RAPGEF1: variants seen among roughly 807,000 people sequenced by gnomAD.
RAPGEF1 encodes the protein CRK SH3-binding GNRP.
RAPGEF1 carries 33 observed loss-of-function variants against 143.3 expected under a neutral mutation model. That is an observed-to-expected ratio of 0.23 (90% confidence interval 0.17 to 0.31). The LOEUF is 0.31. Among genes scored for constraint, RAPGEF1 ranks in the 10% least tolerant of loss-of-function variants. RAPGEF1 has a pLI of 1.00. For missense variants in RAPGEF1, 1,199 were observed against 1,645.4 expected, an observed-to-expected ratio of 0.73 and a Z score of 4.69; for synonymous variants, 629 against 676.5, an observed-to-expected ratio of 0.93 and a Z score of 1.09.
At chr9:131,688,004 C>T (rs916802572) in intron 1 of RAPGEF1, among the ~76,000 whole-genome samples, 4 of 152,028 alleles carry the variant, frequency 2.6e-5, no homozygotes, top group Non-Finnish European at 5.9e-5. Context: ...GGAGGCTTCC[C>T]GGAACCTCTG....
At chr9:131,694,047 T>A (rs1459707011) in intron 1 of RAPGEF1, among the ~76,000 whole-genome samples, 1 of 152,008 alleles carries the variant, frequency 6.6e-6, no homozygotes, top group Non-Finnish European at 1.5e-5. Context: ...ACAAAATCCA[T>A]CTCACCCCCT....
intron 15 of RAPGEF1, 22 bp from the exon 16 acceptor site, chr9:131,598,332 G>A: frequency 6.2e-7 from 1 of 1,602,742 alleles, no homozygotes; most frequent in Middle Eastern, 1.7e-4. Flanking sequence ...AGTGGTTTGT[G>A]TTGCAAGTGT....
intron 15 of RAPGEF1, among the ~76,000 whole-genome samples, chr9:131,600,415 C>T (rs1956074594): frequency 6.6e-6 from 1 of 152,188 alleles, no homozygotes; most frequent in Admixed American, 6.5e-5. Context: ...ACCTAGAAAC[C>T]ACACCATTCC....
chr9:131,589,078 T>C, intron 19 of RAPGEF1, 92 bp from the exon 20 acceptor site: 2 of 1,260,138 alleles, frequency 1.6e-6, no homozygotes, highest in African/African-American at 3.0e-5. Flanking sequence ...GGCACGGGGC[T>C]GTGACCGGCA....
intron 1 of RAPGEF1, among the ~76,000 whole-genome samples, chr9:131,732,440 G>A (rs1226637948): frequency 1.3e-5 from 2 of 152,142 alleles, no homozygotes; most frequent in Non-Finnish European, 2.9e-5. Context: ...ATGCACTCAA[G>A]TGGAAGCTCA....
rs553563987 is a variant in RAPGEF1, at chr9:131,583,270, G to T, written c.3415-568C>A. ...CCTCTCCTGCCTCTTCTCCTGTTAC[G>T]TGCCTCTCCCTGAAGTGCTGCCTCC... is the stretch of plus-strand genomic sequence containing the variant. On this transcript the variant is annotated intron_variant, in intron 24 of 26. Coordinates refer to ENST00000683357, the MANE Select transcript of RAPGEF1 (RefSeq NM_001377935.1). This position sits in a 1 kb window ranked among gnomAD's most constrained non-coding sequence, Gnocchi z 4.7. Among the ~76,000 whole-genome samples, 10 of 152,066 alleles carry T rather than the reference G, an allele frequency of 6.6e-5. No homozygotes were observed. The highest frequency in any genetic ancestry group is 1.5e-4 in the Non-Finnish European group (10 of 68,004).
At chr9:131,661,044 A>G (rs1002873835) in intron 1 of RAPGEF1, among the ~76,000 whole-genome samples, 2 of 152,198 alleles carry the variant, frequency 1.3e-5, no homozygotes, top group East Asian at 3.8e-4. Flanking sequence ...AACAGGGAAC[A>G]CTATCGGTGT....
At chr9:131,622,797 C>T (rs1028667730) in intron 10 of RAPGEF1, among the ~76,000 whole-genome samples, 19 of 148,616 alleles carry the variant, frequency 1.3e-4, no homozygotes, top group Non-Finnish European at 2.4e-4. Flanking sequence ...GACAGAGTTT[C>T]GCTCTTGTTG....
Position 131,650,742 on chromosome 9 carries a change from T to G in RAPGEF1, c.201+68A>C. ...AAGCTCAATCCCCAGGGAGGGAACA[T>G]ACAAATCGCACAAACTCATATTGCT... On this transcript the variant is annotated intron_variant, in intron 2 of 26. Transcript: ENST00000683357. The surrounding 1 kb of genome is among the most constrained non-coding windows in gnomAD (Gnocchi z 4.7). The G allele has an allele frequency of 1.3e-6, 2 of 1,576,612 alleles. No homozygotes were observed. Among genetic ancestry groups the G allele is most frequent in the Non-Finnish European group, 1.7e-6 (2 of 1,159,950 alleles).
intron 1 of RAPGEF1, chr9:131,709,602 A>T (rs1480393733): frequency 6.2e-7 from 1 of 1,611,410 alleles, no homozygotes; most frequent in African/African-American, 1.3e-5. Flanking sequence ...CTGGAAAGGA[A>T]GCCCAGGGCT....
chr9:131,702,483 A>C (rs1337082866), intron 1 of RAPGEF1, among the ~76,000 whole-genome samples: 1 of 152,228 alleles, frequency 6.6e-6, no homozygotes, highest in Non-Finnish European at 1.5e-5. Context: ...CCTTTCTCTG[A>C]GTCCCGTGCC....
At chr9:131,648,055 C>T (rs1396129194) in intron 3 of RAPGEF1, among the ~76,000 whole-genome samples, 1 of 152,178 alleles carries the variant, frequency 6.6e-6, no homozygotes, top group African/African-American at 2.4e-5. Flanking sequence ...TACTTTAGCA[C>T]TGAATTTTTC....
chr9:131,720,164 G>A (rs1836163456), intron 1 of RAPGEF1, among the ~76,000 whole-genome samples: 1 of 152,174 alleles, frequency 6.6e-6, no homozygotes. Context: ...GGGATTACAG[G>A]CGTGAGCCAC....
In RAPGEF1 at chr9:131,587,748, T is replaced by C; in HGVS notation, c.3221A>G (p.Asn1074Ser). The C allele has an allele frequency of 6.2e-7, 1 of 1,613,378 alleles. No individual in the cohort carries two copies. Among genetic ancestry groups the C allele is most frequent in the Non-Finnish European group, 8.5e-7 (1 of 1,179,660 alleles). Residue 1074 changes from asparagine to serine, a missense_variant, in exon 22 of 27, where the codon AAC becomes AGC. Transcript: ENST00000683357. The stretch of plus-strand genomic sequence containing the variant: ...GGGCCTCTCTTACCAGTAGGACATG[T>C]TGTTGAAGTGCTCCGTGAACTGGGT... Reference protein sequence around the residue: ...NLTQFTEHFNNMSYWVRSIIM... With the variant: ...NLTQFTEHFNSMSYWVRSIIM...
chr9:131,729,823 C>T (rs191835562), intron 1 of RAPGEF1, among the ~76,000 whole-genome samples: 14 of 152,272 alleles, frequency 9.2e-5, no homozygotes, highest in East Asian at 3.9e-4. Flanking sequence ...GCATCGTTCC[C>T]GGCACACAGG....
rs529004641 is a variant in RAPGEF1 at position 131,668,198 on chromosome 9, C to T, written c.62-17249G>A. On this transcript the variant is annotated intron_variant, in intron 1 of 26. Transcript: ENST00000683357. ...GAGACGTGAAGAGAATTCCCAGACT[C>T]GCTCCTCTTATAAACCACAGATGCT... Among the ~76,000 whole-genome samples, 14 of 152,276 alleles carry T rather than the reference C, an allele frequency of 9.2e-5. No individual in the cohort carries two copies. The East Asian group carries it at 1.5e-3, about 17-fold the overall frequency.
chr9:131,696,949 T>C (rs1834230446), intron 1 of RAPGEF1, among the ~76,000 whole-genome samples: 1 of 152,268 alleles, frequency 6.6e-6, no homozygotes, highest in South Asian at 2.1e-4. Context: ...TCACGCCTCA[T>C]ATGCTAAGGC....
At chr9:131,723,519 A>C (rs1266831863) in intron 1 of RAPGEF1, among the ~76,000 whole-genome samples, 1 of 152,210 alleles carries the variant, frequency 6.6e-6, no homozygotes, top group Non-Finnish European at 1.5e-5. Flanking sequence ...GGTCTAGTGG[A>C]ATCATATGGT....
At chr9:131,612,674 T>A (rs11243452) in intron 12 of RAPGEF1, among the ~76,000 whole-genome samples, 14,325 of 152,212 alleles carry the variant, frequency 0.094, 994 homozygotes, top group African/African-American at 0.19. Flanking sequence ...GGTCTGCATG[T>A]ACCTCCTTCC....
Sources: gnomAD v4.1 joint callset for allele counts (sites outside exome capture counted in the v4.1 genomes callset) on GRCh38, gnomAD v4.1.1 for gene constraint, Gnocchi (gnomAD v3.1) non-coding constraint, MANE v1.5 for transcripts, NCBI Gene and HGNC (gene_info 2026-07-23, HGNC 2026-07-21) for gene names.